Variants in BTRC observed in about 807,000 individuals in gnomAD.
BTRC encodes beta-transducin repeat containing E3 ubiquitin protein ligase.
Under a neutral mutation model 85.5 loss-of-function variants are expected in BTRC, and 42 were observed. The ratio of observed to expected loss-of-function variants is 0.49; its 90% confidence interval spans 0.38 to 0.64. The LOEUF is 0.64. Ranked by LOEUF, BTRC falls within the 30% of genes least tolerant of loss-of-function variation. BTRC has a pLI of 0.00. For missense variants in BTRC, 594 were observed against 743.5 expected (o/e 0.80, Z 2.34); for synonymous variants, 255 against 263.3 (o/e 0.97, Z 0.30).
chr10:101,388,005 A>G (rs1202182299), intron 1 of BTRC, among the ~76,000 whole-genome samples: 1 of 152,062 alleles, frequency 6.6e-6, no homozygotes, highest in Non-Finnish European at 1.5e-5. Flanking sequence ...AAATTTTTAT[A>G]GATAGCTTGT....
At chr10:101,448,854 A>T (rs1054067328) in intron 2 of BTRC, among the ~76,000 whole-genome samples, 4 of 151,896 alleles carry the variant, frequency 2.6e-5, no homozygotes, top group African/African-American at 9.7e-5. Flanking sequence ...TTTAAGGCAT[A>T]CCCTTCAATA....
At chr10:101,424,749 G>T (rs966676643) in intron 1 of BTRC, among the ~76,000 whole-genome samples, 1 of 152,076 alleles carries the variant, frequency 6.6e-6, no homozygotes, top group African/African-American at 2.4e-5. Flanking sequence ...AACCTGATGG[G>T]CACTAGATAC....
chr10:101,530,902 G>C (rs2062269967), intron 6 of BTRC, among the ~76,000 whole-genome samples: 1 of 152,210 alleles, frequency 6.6e-6, no homozygotes, highest in African/African-American at 2.4e-5. Context: ...GGCCGGGTGT[G>C]ATGGCTCACG....
intron 1 of BTRC, among the ~76,000 whole-genome samples, chr10:101,414,063 A>C (rs1357667662): frequency 6.6e-6 from 1 of 152,206 alleles, no homozygotes; most frequent in Non-Finnish European, 1.5e-5. Context: ...TTGTGCAACC[A>C]GTCTTCAGAA....
At chr10:101,370,193 C>T (rs1182319149) in intron 1 of BTRC, among the ~76,000 whole-genome samples, 1 of 152,224 alleles carries the variant, frequency 6.6e-6, no homozygotes, top group Non-Finnish European at 1.5e-5. Flanking sequence ...TCACAGCTCA[C>T]AGCAGCCTCA....
At chr10:101,363,397 A>G (rs1276928564) in intron 1 of BTRC, among the ~76,000 whole-genome samples, 1 of 152,234 alleles carries the variant, frequency 6.6e-6, no homozygotes, top group Non-Finnish European at 1.5e-5. Context: ...GGTAAATGCT[A>G]AAATAGAAGC....
At chr10:101,552,964 T>C (rs1301697128) in intron 14 of BTRC, among the ~76,000 whole-genome samples, 191 bp from the exon 15 acceptor site, 1 of 152,180 alleles carries the variant, frequency 6.6e-6, no homozygotes, top group Non-Finnish European at 1.5e-5. Context: ...GCCCTGCCTT[T>C]AGTATAACTT....
At chr10:101,440,234 A>G (rs1398054382) in intron 2 of BTRC, among the ~76,000 whole-genome samples, 1 of 152,100 alleles carries the variant, frequency 6.6e-6, no homozygotes, top group Non-Finnish European at 1.5e-5. Flanking sequence ...CTTTTTTTTC[A>G]AGCTATGAGT....
intron 1 of BTRC, chr10:101,354,586 G>T (rs542206932): frequency 6.3e-6 from 2 of 316,956 alleles, no homozygotes; most frequent in Non-Finnish European, 1.2e-5. Flanking sequence ...CGCTGGCGGG[G>T]CCTTCCTGGT....
intron 14 of BTRC, 119 bp downstream of exon 14, chr10:101,551,010 A>G: frequency 1.1e-6 from 1 of 924,572 alleles, no homozygotes; most frequent in South Asian, 2.0e-5. Flanking sequence ...TGTAAAGCCG[A>G]GGAAGCAGAC....
rs1589513209 is a variant in BTRC, at chr10:101,471,315, T to C, written c.235-8053T>C. Among the ~76,000 whole-genome samples, 3 of 152,108 alleles carry C rather than the reference T, an allele frequency of 2.0e-5. No individual in the cohort carries two copies. The South Asian group carries it at 6.2e-4, about 32-fold the overall frequency. ...AAGTGGGAGGATCGCTGGAGCCCAC[T>C]GAGTTGGAGGCTACAGTGAGTTATG... On this transcript the variant is annotated intron_variant, in intron 3 of 14. Transcript: ENST00000370187.
intron 1 of BTRC, among the ~76,000 whole-genome samples, chr10:101,422,780 G>A (rs573055189): frequency 2.2e-4 from 34 of 152,258 alleles, no homozygotes; most frequent in Non-Finnish European, 4.1e-4. Context: ...GATAGTTGTA[G>A]ATGTGTGTTA....
intron 3 of BTRC, among the ~76,000 whole-genome samples, chr10:101,467,556 T>G (rs897974856): frequency 6.6e-6 from 1 of 152,148 alleles, no homozygotes; most frequent in African/African-American, 2.4e-5. Context: ...CAAACTATGC[T>G]TAAGGGACTG....
intron 1 of BTRC, among the ~76,000 whole-genome samples, chr10:101,361,726 A>C (rs912260906): frequency 6.6e-6 from 1 of 152,196 alleles, no homozygotes; most frequent in Non-Finnish European, 1.5e-5. Context: ...ATTGAGATAG[A>C]GCTATAAGAC....
At chr10:101,552,630 C>T (rs754250623) in intron 14 of BTRC, among the ~76,000 whole-genome samples, 18 of 152,304 alleles carry the variant, frequency 1.2e-4, no homozygotes, top group South Asian at 6.2e-4. Context: ...CTCCAGGCCA[C>T]ATTTCCAGCT....
At chr10:101,359,364 G>C (rs10883621) in intron 1 of BTRC, among the ~76,000 whole-genome samples, 54,968 of 151,960 alleles carry the variant, frequency 0.36, 11,038 homozygotes, top group Middle Eastern at 0.48. Context: ...CAAACAGTTT[G>C]TTTTCTGGGT....
At chr10:101,471,808 G>T (rs1187084377) in intron 3 of BTRC, among the ~76,000 whole-genome samples, 1 of 152,152 alleles carries the variant, frequency 6.6e-6, no homozygotes, top group Admixed American at 6.5e-5. Flanking sequence ...GAGCTGTTCA[G>T]ATTTTCTGTT....
At chr10:101,376,281 T>TG (rs375517469) in intron 1 of BTRC, among the ~76,000 whole-genome samples, 98 of 152,302 alleles carry the variant, frequency 6.4e-4, no homozygotes, top group African/African-American at 2.1e-3. Context: ...GCCAAGATTA[T>TG]GCCACTGCAC....
chr10:101,519,074 C>CGT (rs2062063833), intron 4 of BTRC, among the ~76,000 whole-genome samples: 1 of 104,936 alleles, frequency 9.5e-6, no homozygotes, highest in African/African-American at 3.5e-5. Context: ...CTCTTCTCAG[C>CGT]TTTTTTTTTT....
Sources: allele counts gnomAD v4.1 joint callset (sites outside exome capture counted in the v4.1 genomes callset), GRCh38; gene constraint gnomAD v4.1.1; transcripts MANE v1.5; gene names NCBI Gene and HGNC (gene_info 2026-07-23, HGNC 2026-07-21).